Variants in NRXN3 observed in about 807,000 individuals in gnomAD.
NRXN3 encodes the protein neurexin 3, also known as neurexin III.
Under a neutral mutation model 137.6 loss-of-function variants are expected in NRXN3, and 32 were observed. That is an observed-to-expected ratio of 0.23 (90% CI 0.18 to 0.31). The LOEUF is 0.31. NRXN3 is among the 10% of genes least tolerant of loss of function. The pLI is 1.00. For missense variants in NRXN3, 1,574 were observed against 2,062.5 expected, an observed-to-expected ratio of 0.76 and a Z score of 4.59; for synonymous variants, 798 against 784.5, an observed-to-expected ratio of 1.02 and a Z score of -0.29.
intron 1 of NRXN3, among the ~76,000 whole-genome samples, chr14:78,213,677 G>T (rs1325535359): frequency 6.6e-6 from 1 of 152,162 alleles, no homozygotes; most frequent in African/African-American, 2.4e-5. Context: ...GATCCAAAAG[G>T]TGGTAGCTGT....
At chr14:78,899,976 A>G (rs1048880529) in intron 10 of NRXN3, among the ~76,000 whole-genome samples, 1 of 152,022 alleles carries the variant, frequency 6.6e-6, no homozygotes. Flanking sequence ...TCAAAAAGCT[A>G]TAGGAATCTG....
At chr14:78,641,777 A>G (rs2097635928) in intron 4 of NRXN3, among the ~76,000 whole-genome samples, 1 of 152,224 alleles carries the variant, frequency 6.6e-6, no homozygotes, top group South Asian at 2.1e-4. Flanking sequence ...TTGCAAAGGA[A>G]GGCACTTGGC....
intron 6 of NRXN3, among the ~76,000 whole-genome samples, chr14:78,677,769 CGTT>C: frequency 6.6e-6 from 1 of 152,194 alleles, no homozygotes; most frequent in East Asian, 1.9e-4. Context: ...TGGCAAACTT[CGTT>C]GTTGTTTTAT....
At chr14:78,975,445 A>T (rs2099461600) in intron 14 of NRXN3, among the ~76,000 whole-genome samples, 1 of 152,198 alleles carries the variant, frequency 6.6e-6, no homozygotes, top group African/African-American at 2.4e-5. Flanking sequence ...ATGATAGCAC[A>T]TGAAATGGGA....
intron 15 of NRXN3, among the ~76,000 whole-genome samples, chr14:79,408,312 GT>G (rs2095352724): frequency 6.6e-6 from 1 of 152,078 alleles, no homozygotes; most frequent in Non-Finnish European, 1.5e-5. Context: ...ATTCAGTCAT[GT>G]TTTATGCTGT....
At chr14:78,570,388 A>T (rs904218383) in intron 4 of NRXN3, among the ~76,000 whole-genome samples, 1 of 152,200 alleles carries the variant, frequency 6.6e-6, no homozygotes. Context: ...TCTATTGTTT[A>T]TAAGCCACCC....
At chr14:79,617,227 G>T (rs2098166830) in intron 16 of NRXN3, among the ~76,000 whole-genome samples, 1 of 152,230 alleles carries the variant, frequency 6.6e-6, no homozygotes, top group African/African-American at 2.4e-5. Flanking sequence ...AAGAGCGTTT[G>T]TTGCCTGGGT....
chr14:78,230,907 G>T (rs533970024), intron 1 of NRXN3, among the ~76,000 whole-genome samples: 1 of 152,178 alleles, frequency 6.6e-6, no homozygotes, highest in South Asian at 2.1e-4. Flanking sequence ...AGGTCATTCT[G>T]ACTGCTGTAT....
intron 4 of NRXN3, among the ~76,000 whole-genome samples, chr14:78,433,479 G>A (rs1184688302): frequency 6.6e-6 from 1 of 152,124 alleles, no homozygotes; most frequent in South Asian, 2.1e-4. Context: ...AAGTTTATAT[G>A]TTGGGTACTT....
chr14:79,632,164 ACTC>A (rs1644428333), intron 16 of NRXN3: 1 of 153,660 alleles, frequency 6.5e-6, no homozygotes, highest in South Asian at 2.1e-4. Flanking sequence ...CTGCAGCTTC[ACTC>A]CTGAAGCCAG....
intron 4 of NRXN3, among the ~76,000 whole-genome samples, chr14:78,433,951 T>C (rs922275539): frequency 1.3e-5 from 2 of 150,934 alleles, no homozygotes; most frequent in East Asian, 3.9e-4. Flanking sequence ...CCATGGTAAG[T>C]TGAAAATATT....
intron 15 of NRXN3, among the ~76,000 whole-genome samples, chr14:79,291,046 G>A (rs921469134): frequency 2.6e-5 from 4 of 152,180 alleles, no homozygotes; most frequent in Admixed American, 6.5e-5. Context: ...AGGATCCTGT[G>A]ATTTGGATAG....
chr14:78,644,839 G>GT (rs1220230889), intron 4 of NRXN3, among the ~76,000 whole-genome samples: 1 of 152,094 alleles, frequency 6.6e-6, no homozygotes, highest in Non-Finnish European at 1.5e-5. Context: ...CTCCCTTTAG[G>GT]TTTTTCTTGA....
At chr14:78,862,123 GTGGTGTGGTAT>G (rs1415198534) in intron 10 of NRXN3, among the ~76,000 whole-genome samples, 9 of 152,090 alleles carry the variant, frequency 5.9e-5, no homozygotes, top group African/African-American at 1.7e-4. Flanking sequence ...CAATGTGGTA[GTGGTGTGGTAT>G]ACACATACTA....
intron 15 of NRXN3, among the ~76,000 whole-genome samples, chr14:79,036,649 G>C (rs1446787131): frequency 7.4e-6 from 1 of 134,274 alleles, no homozygotes; most frequent in Non-Finnish European, 1.5e-5. Context: ...ACAAGGAGCA[G>C]CTAAGGACAG....
chr14:78,537,822 A>G (rs1377054446), intron 4 of NRXN3, among the ~76,000 whole-genome samples: 1 of 152,152 alleles, frequency 6.6e-6, no homozygotes, highest in Non-Finnish European at 1.5e-5. Flanking sequence ...TCAGCTTTCT[A>G]CATATGGCTA....
chr14:78,200,658 C>G (rs1319075076), intron 1 of NRXN3, among the ~76,000 whole-genome samples: 1 of 152,160 alleles, frequency 6.6e-6, no homozygotes, highest in Non-Finnish European at 1.5e-5. Context: ...AGAGAAAATC[C>G]TGAACTGACT....
intron 10 of NRXN3, among the ~76,000 whole-genome samples, chr14:78,822,656 C>A (rs1050673587): frequency 1.5e-4 from 22 of 148,934 alleles, no homozygotes; most frequent in African/African-American, 5.5e-4. Context: ...GCCTGGGTAA[C>A]AGAGCAAGAT....
At chr14:79,447,233 C>T (rs1203637823) in intron 15 of NRXN3, among the ~76,000 whole-genome samples, 1 of 152,144 alleles carries the variant, frequency 6.6e-6, no homozygotes, top group African/African-American at 2.4e-5. Flanking sequence ...TGGCTTGCTG[C>T]TATTTCAGTA....
Sources: allele counts gnomAD v4.1 joint callset (sites outside exome capture counted in the v4.1 genomes callset), GRCh38; gene constraint gnomAD v4.1.1; transcripts MANE v1.5; gene names NCBI Gene and HGNC (gene_info 2026-07-23, HGNC 2026-07-21).